ACLY: variants seen among roughly 807,000 people sequenced by gnomAD.
ACLY encodes ATP citrate lyase.
Under a neutral mutation model 133.0 loss-of-function variants are expected in ACLY, and 41 were observed. That is an observed-to-expected ratio of 0.31 (90% confidence interval 0.24 to 0.40). The LOEUF (loss-of-function observed/expected upper bound fraction) is 0.40. Ranked by LOEUF, ACLY falls within the 10% of genes least tolerant of loss-of-function variation. The pLI, the probability that ACLY is intolerant of heterozygous loss-of-function variation, is 1.00. For missense variants in ACLY, 1,046 were observed against 1,453.8 expected, an observed-to-expected ratio of 0.72 and a Z score of 4.56; for synonymous variants, 495 against 549.3, an observed-to-expected ratio of 0.90 and a Z score of 1.38.
At chr17:41,878,758 A>C in intron 21 of ACLY, 39 bp downstream of exon 21, 1 of 1,611,902 alleles carries the variant, frequency 6.2e-7, no homozygotes, top group Non-Finnish European at 8.5e-7. Flanking sequence ...GGATTTGGAA[A>C]GGAGGGGGAG....
intron 11 of ACLY, among the ~76,000 whole-genome samples, chr17:41,899,838 G>C (rs908845301): frequency 6.6e-6 from 1 of 151,394 alleles, no homozygotes; most frequent in African/African-American, 2.4e-5. Context: ...GAGTCCAAGA[G>C]TTCGAGACCA....
At chr17:41,901,081 A>G (rs2049525396) in intron 11 of ACLY, among the ~76,000 whole-genome samples, 1 of 151,424 alleles carries the variant, frequency 6.6e-6, no homozygotes, top group Admixed American at 6.6e-5. Context: ...CAGCCTCCCA[A>G]GTAGCTGGGA....
intron 3 of ACLY, among the ~76,000 whole-genome samples, chr17:41,911,144 T>C (rs1297696810): frequency 1.3e-5 from 2 of 152,122 alleles, no homozygotes; most frequent in African/African-American, 4.8e-5. Context: ...GCTTTACCCA[T>C]GAGGGCCAGA....
In ACLY at chr17:41,892,302, T is replaced by C. The variant is rs781970179; in HGVS notation, c.1747A>G (p.Met583Val). 4.0e-6 allele frequency: 6 copies of C among 1,484,692 alleles called. No homozygotes were observed. The highest frequency in any genetic ancestry group is 4.5e-6 in the Non-Finnish European group (5 of 1,103,744). 92.0% of individuals were successfully genotyped at this position (1,484,692 alleles called of 1,614,324 possible). A position where few individuals can be genotyped will look rare whatever the true frequency, so the allele number is the denominator to read the frequency against. Residue 583 changes from methionine to valine, a missense_variant, in exon 16 of 29, where the codon ATG becomes GTG. Around this residue, in one of 4 missense-constraint regions of ACLY, gnomAD observed 575 missense variants for 804.2 expected, o/e 0.71. Transcript: ENST00000352035. ...ASLRSAYDST[M>V]ETMNYAQIRT... ...ACCTGGGCATAGTTCATGGTCTCCA[T>C]GGTGCTGTCATAGGCAGAGCGGAGA...
chr17:41,896,701 C>A lies in ACLY; in HGVS notation c.1430-52G>T, dbSNP rs782331185. ...TGAGTGACCCACTGATGGCTGGAGG[C>A]TTTGGAGGGAGAGGGTGGGAACAGG... On this transcript the variant is annotated intron_variant, in intron 13 of 28. Coordinates refer to ENST00000352035, the MANE Select transcript of ACLY (RefSeq NM_001096.3). 3 of 1,508,470 alleles carry A rather than the reference C, an allele frequency of 2.0e-6. No individual in the cohort carries two copies. The Admixed American group carries it at 6.1e-5, about 31-fold the overall frequency. The allele number at this position is 1,508,470 out of a possible 1,614,324, so 93.4% of individuals were successfully genotyped here.
Position 41,912,672 on chromosome 17 carries a change from C to T in ACLY, c.160-130G>A, listed in dbSNP as rs997265334. The T allele has an allele frequency of 1.7e-5, 20 of 1,178,536 alleles. No individual in the cohort carries two copies. The East Asian group carries it at 5.2e-4, about 31-fold the overall frequency. The allele number at this position is 1,178,536 out of a possible 1,614,324, so 73.0% of individuals were successfully genotyped here. On this transcript the variant is annotated intron_variant, in intron 2 of 28. Transcript: ENST00000352035. ...TGCTCCAAAGCCAGCCCTAACCATC[C>T]TTCAGAGTCAACTCCTGGATGCTTC... is the stretch of plus-strand genomic sequence containing the variant.
chr17:41,915,532 T>C (rs1318429425), intron 1 of ACLY, among the ~76,000 whole-genome samples: 1 of 152,162 alleles, frequency 6.6e-6, no homozygotes, highest in Non-Finnish European at 1.5e-5. Context: ...GCTGCCTCTG[T>C]CGGCCTCCTA....
At chr17:41,893,289 A>T (rs1555629745) in intron 14 of ACLY, 115 bp from the exon 15 acceptor site, 1 of 1,194,620 alleles carries the variant, frequency 8.4e-7, no homozygotes, top group Non-Finnish European at 1.1e-6. Flanking sequence ...GTGATGCCTC[A>T]TCACAACCGT....
chr17:41,893,198 T>C (rs1014702285), intron 14 of ACLY, 24 bp from the exon 15 acceptor site: 2 of 1,605,070 alleles, frequency 1.2e-6, no homozygotes, highest in Non-Finnish European at 1.7e-6. Context: ...ACACAGAGAG[T>C]GCACCCAGAA....
rs2049997939 is a variant in ACLY, at chr17:41,914,528, G to A, written c.-23-632C>T. On this transcript the variant is annotated intron_variant, in intron 1 of 28. Coordinates refer to ENST00000352035, the MANE Select transcript of ACLY (RefSeq NM_001096.3). Reference sequence around the variant, plus strand: ...TAGAAGGGGAGTAGGGGAGGGGGGAGGATCATCGCTAAGCTCTTTTCTCCT... The same window carrying A: ...TAGAAGGGGAGTAGGGGAGGGGGGAAGATCATCGCTAAGCTCTTTTCTCCT... 5.9e-5 allele frequency among the ~76,000 whole-genome samples: 9 copies of A among 152,296 alleles called. No individual in the cohort carries two copies. The South Asian group carries it at 1.9e-3, about 32-fold the overall frequency.
intron 10 of ACLY, among the ~76,000 whole-genome samples, chr17:41,902,323 C>T (rs1362709659): frequency 7.2e-5 from 11 of 152,228 alleles, no homozygotes; most frequent in African/African-American, 2.4e-4. Context: ...AAGCGATTCT[C>T]CTGTCTCATC....
At position 41,896,650 on chromosome 17, in the gene ACLY, CT is replaced by C. The variant is rs1555630444; in HGVS notation, c.1430-2del. The C allele has an allele frequency of 6.4e-7, 1 of 1,573,916 alleles. No homozygotes were observed. The highest frequency in any genetic ancestry group is 8.6e-7 in the Non-Finnish European group (1 of 1,158,554). ...AGGGATCTTGGACTTGGGACTGAATCTGTCAAAGAAAATGACCAAGGCAACT... is the reference window on the plus strand; with the variant it reads ...AGGGATCTTGGACTTGGGACTGAATCGTCAAAGAAAATGACCAAGGCAACT... On this transcript the variant is annotated splice_acceptor_variant, in intron 13 of 28. Transcript: ENST00000352035. LOFTEE classifies it high-confidence loss of function.
At chr17:41,874,632 G>C (rs1286035076) in intron 22 of ACLY, among the ~76,000 whole-genome samples, 1 of 148,060 alleles carries the variant, frequency 6.8e-6, no homozygotes, top group African/African-American at 2.5e-5. Context: ...GGAGTGCAGT[G>C]GTACGATCTC....
chr17:41,924,321 T>C (rs961218593), intron 1 of ACLY, among the ~76,000 whole-genome samples: 12 of 149,036 alleles, frequency 8.1e-5, no homozygotes, highest in African/African-American at 3.0e-4. Flanking sequence ...ATTTTTTTTT[T>C]TATTTTTAGT....
intron 17 of ACLY, among the ~76,000 whole-genome samples, chr17:41,887,045 ACCAAGGAGGCAGAGGCTGCAGTGAG>A (rs2049065776): frequency 6.7e-6 from 1 of 149,710 alleles, no homozygotes; most frequent in Non-Finnish European, 1.5e-5. Flanking sequence ...AATTGCTTGA[ACCAAGGAGGCAGAGGCTGCAGTGAG>A]CCAAGATCGT....
intron 14 of ACLY, among the ~76,000 whole-genome samples, chr17:41,895,734 T>C (rs35341709): frequency 0.084 from 12,726 of 152,248 alleles, 736 homozygotes; most frequent in Non-Finnish European, 0.12. Context: ...GGCAAAAACA[T>C]CAGGATTAAA....
chr17:41,919,320 A>AGGGG (rs2050144149), upstream of ACLY, among the ~76,000 whole-genome samples: 25 of 148,916 alleles, frequency 1.7e-4, no homozygotes, highest in Non-Finnish European at 2.7e-4. Context: ...AGGGGCGGGT[A>AGGGG]GGATTAGCCC....
chr17:41,878,425 G>A (rs184317525), intron 21 of ACLY, among the ~76,000 whole-genome samples: 4 of 152,216 alleles, frequency 2.6e-5, no homozygotes, highest in East Asian at 1.9e-4. Flanking sequence ...GGACACAGCC[G>A]GGAGTCCAGG....
chr17:41,906,088 G>GA (rs1160863143), intron 8 of ACLY, among the ~76,000 whole-genome samples: 11 of 152,162 alleles, frequency 7.2e-5, no homozygotes, highest in South Asian at 6.2e-4. Flanking sequence ...TGCTTAAAGT[G>GA]AAAAAAACTG....
Sources: allele counts gnomAD v4.1 joint callset (sites outside exome capture counted in the v4.1 genomes callset), GRCh38; gene constraint gnomAD v4.1.1; regional missense constraint gnomAD v4.1.1; transcripts MANE v1.5; gene names NCBI Gene and HGNC (gene_info 2026-07-23, HGNC 2026-07-21).